The following SLC41A2 variants were observed in gnomAD, a reference collection of about 807,000 sequenced individuals.
The protein encoded by SLC41A2 is solute carrier family 41 member 2, also known as SLC41A1-like 1.
Under a neutral mutation model 58.3 loss-of-function variants are expected in SLC41A2, and 32 were observed. That is an observed-to-expected ratio of 0.55 (90% CI 0.41 to 0.74). SLC41A2 has a LOEUF of 0.74. SLC41A2 is among the 30% of genes least tolerant of loss of function. The pLI, the probability that SLC41A2 is intolerant of heterozygous loss-of-function variation, is 0.00. For missense variants in SLC41A2, 514 were observed against 680.6 expected, an observed-to-expected ratio of 0.76 and a Z score of 2.72; for synonymous variants, 190 against 235.0, an observed-to-expected ratio of 0.81 and a Z score of 1.75.
chr12:104,873,184 C>T (rs773043032), intron 6 of SLC41A2, among the ~76,000 whole-genome samples: 1 of 152,092 alleles, frequency 6.6e-6, no homozygotes. Flanking sequence ...CTCACCTCCA[C>T]CCCTAACCCC....
In SLC41A2 at chr12:104,839,688, A is replaced by G. The variant is rs370010524; in HGVS notation, c.1536+4784T>C. On this transcript the variant is annotated intron_variant, in intron 10 of 10. Transcript: ENST00000258538. The stretch of plus-strand genomic sequence containing the variant: ...CCTGCTAATTTTTTGTATTTTTAGT[A>G]GAGATGGTGTTTCACCATGTTGGTC... 2.6e-5 allele frequency among the ~76,000 whole-genome samples: 4 copies of G among 152,128 alleles called. No individual in the cohort carries two copies. In the South Asian group the frequency reaches 6.2e-4, roughly 24 times the overall value.
chr12:104,940,074 C>T (rs945021862), intron 1 of SLC41A2, among the ~76,000 whole-genome samples: 7 of 151,804 alleles, frequency 4.6e-5, no homozygotes, highest in African/African-American at 9.7e-5. Flanking sequence ...AGTGCAACGG[C>T]GTGATCTCGG....
chr12:104,944,021 G>A (rs12579505), intron 1 of SLC41A2, among the ~76,000 whole-genome samples: 6,470 of 151,868 alleles, frequency 0.043, 305 homozygotes, highest in East Asian at 0.15. Context: ...CTCTGTTTTC[G>A]CTCTATTAAA....
At chr12:104,849,882 A>G (rs1204180207) in intron 8 of SLC41A2, among the ~76,000 whole-genome samples, 1 of 152,224 alleles carries the variant, frequency 6.6e-6, no homozygotes, top group Non-Finnish European at 1.5e-5. Flanking sequence ...ATACTCTACA[A>G]TCTAGCAATT....
At chr12:104,857,854 G>A (rs1418752879) in intron 8 of SLC41A2, among the ~76,000 whole-genome samples, 1 of 108,850 alleles carries the variant, frequency 9.2e-6, no homozygotes, top group Non-Finnish European at 1.7e-5. Flanking sequence ...CCTGTTGTGG[G>A]GTGGGGGGAG....
At chr12:104,946,319 G>C (rs2047717084) in intron 1 of SLC41A2, among the ~76,000 whole-genome samples, 1 of 152,154 alleles carries the variant, frequency 6.6e-6, no homozygotes, top group African/African-American at 2.4e-5. Flanking sequence ...GGAGGAACAG[G>C]ATGGAGTGCA....
intron 10 of SLC41A2, among the ~76,000 whole-genome samples, chr12:104,823,541 C>T (rs950093055): frequency 6.6e-6 from 1 of 151,980 alleles, no homozygotes; most frequent in African/African-American, 2.4e-5. Context: ...TGATAGTCTT[C>T]CCAATAAATG....
At chr12:104,811,199 GA>G (rs1177254161) in intron 10 of SLC41A2, among the ~76,000 whole-genome samples, 1 of 152,128 alleles carries the variant, frequency 6.6e-6, no homozygotes, top group African/African-American at 2.4e-5. Flanking sequence ...ACCATACAGA[GA>G]AATTCTTATA....
At position 104,912,206 on chromosome 12, in the gene SLC41A2, A is replaced by G. The variant is rs552374246; in HGVS notation, c.556-2444T>C. 3.5e-4 allele frequency among the ~76,000 whole-genome samples: 53 copies of G among 152,324 alleles called. No individual in the cohort carries two copies. The South Asian group carries it at 7.0e-3, about 20-fold the overall frequency. On this transcript the variant is annotated intron_variant, in intron 2 of 10. Coordinates refer to ENST00000258538, the MANE Select transcript of SLC41A2 (RefSeq NM_001352171.3). ...TTGGTCTTCAACCCTGTTTCCTGGC[A>G]TACATCTAAAATCGTTAGAATTTAG...
chr12:104,850,621 T>C (rs1028673874), intron 8 of SLC41A2, among the ~76,000 whole-genome samples: 63 of 152,126 alleles, frequency 4.1e-4, no homozygotes, highest in Non-Finnish European at 2.4e-4. Context: ...AGCTGAGAGG[T>C]TGATCACTTT....
At chr12:104,808,061 C>T (rs1420919631) in intron 10 of SLC41A2, among the ~76,000 whole-genome samples, 7 of 152,092 alleles carry the variant, frequency 4.6e-5, no homozygotes, top group Admixed American at 4.6e-4. Context: ...CCTTTATTTC[C>T]TTCTCCTGCC....
At chr12:104,836,374 G>T (rs2042207949) in intron 10 of SLC41A2, among the ~76,000 whole-genome samples, 1 of 152,098 alleles carries the variant, frequency 6.6e-6, no homozygotes, top group Non-Finnish European at 1.5e-5. Context: ...ACAAATATTT[G>T]CCATTATTAT....
intron 1 of SLC41A2, among the ~76,000 whole-genome samples, chr12:104,956,608 G>A (rs954566484): frequency 6.6e-6 from 1 of 152,160 alleles, no homozygotes; most frequent in Non-Finnish European, 1.5e-5. Context: ...GAACCCCGGA[G>A]GTGGAGGTTG....
At chr12:104,881,168 T>C (rs1359109930) in intron 6 of SLC41A2, among the ~76,000 whole-genome samples, 1 of 152,230 alleles carries the variant, frequency 6.6e-6, no homozygotes. Flanking sequence ...GATATCCCCT[T>C]TATAATTTTT....
chr12:104,943,266 G>A (rs2047580449), intron 1 of SLC41A2, among the ~76,000 whole-genome samples: 1 of 151,880 alleles, frequency 6.6e-6, no homozygotes, highest in Non-Finnish European at 1.5e-5. Flanking sequence ...AAACAATCTG[G>A]AATCATCACC....
Position 104,866,521 on chromosome 12 carries a change from A to G in SLC41A2, c.1086T>C (p.Ile362=). 6.2e-7 allele frequency: 1 copy of G among 1,613,108 alleles called. No individual in the cohort carries two copies. The highest frequency in any genetic ancestry group is 8.5e-7 in the Non-Finnish European group (1 of 1,179,568). Residue 362 remains isoleucine (I), a synonymous_variant, in exon 7 of 11, where the codon ATT becomes ATC. Transcript: ENST00000258538. ...GATGTTTGGCAGCTATTATAATCCA[A>G]ATAGGGGTTAGAGCCAAGAAAAATA... The part of the protein sequence containing the change: ...VGVFFLALTP[I]WIIIAAKHPA...
At chr12:104,954,160 C>A (rs11112253) in intron 1 of SLC41A2, among the ~76,000 whole-genome samples, 2 of 151,980 alleles carry the variant, frequency 1.3e-5, no homozygotes, top group African/African-American at 2.4e-5. Context: ...AAATGTTCCA[C>A]GATCTCATAA....
At chr12:104,835,047 T>C (rs1416135344) in intron 10 of SLC41A2, among the ~76,000 whole-genome samples, 1 of 152,172 alleles carries the variant, frequency 6.6e-6, no homozygotes, top group Admixed American at 6.5e-5. Flanking sequence ...CAGTAATCCA[T>C]AGCTATTGAT....
intron 7 of SLC41A2, among the ~76,000 whole-genome samples, chr12:104,863,556 C>T (rs1730074333): frequency 1.3e-5 from 2 of 152,176 alleles, no homozygotes; most frequent in Admixed American, 1.3e-4. Context: ...TTAGTAGTTT[C>T]TTATGGCATT....
Sources: gnomAD v4.1 joint callset for allele counts (sites outside exome capture counted in the v4.1 genomes callset) on GRCh38, gnomAD v4.1.1 for gene constraint, MANE v1.5 for transcripts, NCBI Gene and HGNC (gene_info 2026-07-23, HGNC 2026-07-21) for gene names.